Variants in ANKRD7 observed in about 807,000 individuals in gnomAD.
ANKRD7 encodes ankyrin repeat domain 7.
ANKRD7 carries 30 observed loss-of-function variants against 30.8 expected under a neutral mutation model. The observed-to-expected ratio is 0.97, with a 90% CI of 0.73 to 1.32. The LOEUF is 1.32. ANKRD7 is among the 40% of genes most tolerant of loss of function. The pLI is 0.00. For missense variants in ANKRD7, 264 were observed against 295.7 expected, an observed-to-expected ratio of 0.89 and a Z score of 0.79; for synonymous variants, 97 against 106.6, an observed-to-expected ratio of 0.91 and a Z score of 0.55.
intron 5 of ANKRD7, 79 bp downstream of exon 5, chr7:118,237,005 G>T (rs1160255831): frequency 6.9e-7 from 1 of 1,449,940 alleles, no homozygotes; most frequent in African/African-American, 1.4e-5. Context: ...AAAGTACAAG[G>T]CTGGAATAGG....
intron 6 of ANKRD7, among the ~76,000 whole-genome samples, 155 bp from the exon 7 acceptor site, chr7:118,242,194 A>G (rs2116035091): frequency 1.3e-5 from 2 of 152,370 alleles, no homozygotes; most frequent in East Asian, 3.8e-4. Flanking sequence ...GTCAAATTCA[A>G]AAGAGACTAC....
chr7:118,224,828 G>T lies in ANKRD7; in HGVS notation c.-3G>T. 1.2e-6 allele frequency: 2 copies of T among 1,611,172 alleles called. No homozygotes were observed. The highest frequency in any genetic ancestry group is 2.2e-5 in the South Asian group (2 of 90,840). On this transcript the variant is annotated 5_prime_UTR_variant, in exon 1 of 7. Coordinates refer to ENST00000265224, the MANE Select transcript of ANKRD7 (RefSeq NM_019644.4). ...TGAGGGAAAGGCTGCAGCCTGCACCGCCATGAATAAGCTTTTCAGCTTCTG... is the reference window on the plus strand; with the variant it reads ...TGAGGGAAAGGCTGCAGCCTGCACCTCCATGAATAAGCTTTTCAGCTTCTG...
chr7:118,228,204 C>T (rs1478029749), intron 1 of ANKRD7, among the ~76,000 whole-genome samples: 2 of 152,126 alleles, frequency 1.3e-5, no homozygotes, highest in Admixed American at 6.5e-5. Context: ...CTTGTAAACA[C>T]GTAAGGAATT....
At chr7:118,232,743 T>C in intron 1 of ANKRD7, among the ~76,000 whole-genome samples, 1 of 151,898 alleles carries the variant, frequency 6.6e-6, no homozygotes, top group East Asian at 1.9e-4. Flanking sequence ...TGTGTGTGTG[T>C]GTGTAATTTT....
At chr7:118,225,054 G>C in intron 1 of ANKRD7, 45 bp downstream of exon 1, 1 of 1,598,910 alleles carries the variant, frequency 6.3e-7, no homozygotes. Context: ...GTTGGGGCCT[G>C]GGTCGTTCAA....
At chr7:118,227,220 T>C (rs1325946280) in intron 1 of ANKRD7, among the ~76,000 whole-genome samples, 1 of 152,176 alleles carries the variant, frequency 6.6e-6, no homozygotes, top group South Asian at 2.1e-4. Flanking sequence ...TTGCTAACAA[T>C]TGAAGTTCAA....
At chr7:118,229,578 A>G (rs569227136) in intron 1 of ANKRD7, among the ~76,000 whole-genome samples, 127 of 152,288 alleles carry the variant, frequency 8.3e-4, no homozygotes, top group African/African-American at 3.0e-3. Context: ...GATACTATTC[A>G]GCAATAAATG....
intron 1 of ANKRD7, among the ~76,000 whole-genome samples, chr7:118,232,757 C>T (rs886257559): frequency 2.7e-4 from 40 of 148,068 alleles, no homozygotes; most frequent in Non-Finnish European, 3.4e-4. Flanking sequence ...TAATTTTATG[C>T]GTTTATTTTA....
intron 1 of ANKRD7, among the ~76,000 whole-genome samples, chr7:118,232,600 T>G (rs1809661179): frequency 6.6e-6 from 1 of 152,000 alleles, no homozygotes; most frequent in Non-Finnish European, 1.5e-5. Context: ...TTTATGAGAT[T>G]TGTTACTGAA....
At chr7:118,226,861 A>G (rs867999274) in intron 1 of ANKRD7, among the ~76,000 whole-genome samples, 1 of 152,230 alleles carries the variant, frequency 6.6e-6, no homozygotes, top group African/African-American at 2.4e-5. Context: ...AAATCTATGT[A>G]TAAGTGAACC....
chr7:118,233,775 T>C (rs186197442), intron 1 of ANKRD7, among the ~76,000 whole-genome samples: 10 of 152,254 alleles, frequency 6.6e-5, no homozygotes, highest in East Asian at 1.9e-4. Flanking sequence ...TAAATGTTTA[T>C]TGAGGGCCAG....
chr7:118,225,483 T>G (rs923753845), intron 1 of ANKRD7, among the ~76,000 whole-genome samples: 1 of 143,838 alleles, frequency 7.0e-6, no homozygotes, highest in African/African-American at 2.7e-5. Flanking sequence ...GCAAGACTCA[T>G]CTCAAAAAAA....
At chr7:118,236,666 T>C in intron 4 of ANKRD7, 124 bp from the exon 5 acceptor site, 2 of 1,018,538 alleles carry the variant, frequency 2.0e-6, no homozygotes, top group Non-Finnish European at 2.9e-6. Context: ...ATTTTTTACA[T>C]TGTTGCTTTG....
chr7:118,240,279 A>C (rs1809806389), intron 6 of ANKRD7, among the ~76,000 whole-genome samples: 1 of 152,106 alleles, frequency 6.6e-6, no homozygotes. Context: ...GTCATCTAGC[A>C]TTAGGTATAT....
At chr7:118,230,386 G>A (rs1809614684) in intron 1 of ANKRD7, among the ~76,000 whole-genome samples, 1 of 151,720 alleles carries the variant, frequency 6.6e-6, no homozygotes, top group African/African-American at 2.4e-5. Flanking sequence ...ACAGCATTAT[G>A]CAAGATACCC....
chr7:118,230,543 T>C (rs572073737), intron 1 of ANKRD7, among the ~76,000 whole-genome samples: 6 of 152,100 alleles, frequency 3.9e-5, no homozygotes, highest in African/African-American at 1.4e-4. Flanking sequence ...CTAGTCAAAA[T>C]TCATAAAGTT....
intron 5 of ANKRD7, 98 bp from the exon 6 acceptor site, chr7:118,239,811 G>A: frequency 3.3e-6 from 2 of 614,682 alleles, no homozygotes; most frequent in Admixed American, 2.8e-5. Flanking sequence ...ACATTCTTGG[G>A]GCAGCATTGG....
intron 5 of ANKRD7, 49 bp from the exon 6 acceptor site, chr7:118,239,860 G>A (rs1419280329): frequency 7.9e-7 from 1 of 1,272,614 alleles, no homozygotes. Flanking sequence ...TATATGTTAG[G>A]AATTAAATTT....
chr7:118,235,800 A>G (rs547132414), intron 3 of ANKRD7, among the ~76,000 whole-genome samples: 2 of 152,194 alleles, frequency 1.3e-5, no homozygotes, highest in African/African-American at 4.8e-5. Context: ...TACTTATTCT[A>G]GGCTGCTCTT....
Sources: allele counts gnomAD v4.1 joint callset (sites outside exome capture counted in the v4.1 genomes callset), GRCh38; gene constraint gnomAD v4.1.1; transcripts MANE v1.5; gene names NCBI Gene and HGNC (gene_info 2026-07-23, HGNC 2026-07-21).